Variants in UVRAG observed in about 807,000 individuals in gnomAD.
UVRAG encodes the protein UV radiation resistance associated, also known as UV radiation resistance-associated gene protein.
UVRAG carries 19 observed loss-of-function variants against 78.0 expected under a neutral mutation model. The observed-to-expected ratio is 0.24, with a 90% confidence interval of 0.17 to 0.36. UVRAG has a LOEUF of 0.36. Among genes scored for constraint, UVRAG ranks in the 10% least tolerant of loss-of-function variants. The pLI is 1.00. For missense variants in UVRAG, 740 were observed against 853.8 expected, an observed-to-expected ratio of 0.87 and a Z score of 1.66; for synonymous variants, 323 against 324.6, an observed-to-expected ratio of 1.00 and a Z score of 0.05.
Position 75,959,844 on chromosome 11 carries a change from G to A in UVRAG, c.594-1600G>A, listed in dbSNP as rs533914200. Among the ~76,000 whole-genome samples the A allele has an allele frequency of 5.3e-5, 8 of 152,248 alleles. 1 individual carries two copies. The highest frequency in any genetic ancestry group is 5.2e-4 in the Admixed American group (8 of 15,290). On this transcript the variant is annotated intron_variant, in intron 6 of 14. Coordinates refer to ENST00000356136, the MANE Select transcript of UVRAG (RefSeq NM_003369.4). ...ATTCTTTTCACTTGAACACCTAGAG[G>A]TTACTGTAAGGCTTGGCCTAATTTC...
chr11:76,001,241 G>A (rs778532568), intron 8 of UVRAG, among the ~76,000 whole-genome samples: 6 of 151,988 alleles, frequency 3.9e-5, no homozygotes, highest in Non-Finnish European at 8.8e-5. Context: ...CATAAACCAC[G>A]GGTCAAAGAA....
intron 7 of UVRAG, among the ~76,000 whole-genome samples, chr11:75,972,243 C>A (rs1283358119): frequency 6.6e-6 from 1 of 152,038 alleles, no homozygotes; most frequent in Non-Finnish European, 1.5e-5. Context: ...ATACCAATTT[C>A]TTTTTTCATG....
At chr11:76,007,774 T>C (rs1156964781) in intron 10 of UVRAG, among the ~76,000 whole-genome samples, 153 bp downstream of exon 10, 1 of 152,252 alleles carries the variant, frequency 6.6e-6, no homozygotes, top group Non-Finnish European at 1.5e-5. Context: ...AACATAGATT[T>C]AGACTTGTTT....
chr11:75,958,989 C>G, intron 6 of UVRAG, among the ~76,000 whole-genome samples: 1 of 152,160 alleles, frequency 6.6e-6, no homozygotes, highest in East Asian at 1.9e-4. Context: ...TTTTTCTAAG[C>G]AGTAGGTCTC....
At chr11:75,894,274 A>G (rs1349391889) in intron 5 of UVRAG, among the ~76,000 whole-genome samples, 1 of 152,176 alleles carries the variant, frequency 6.6e-6, no homozygotes, top group Non-Finnish European at 1.5e-5. Flanking sequence ...AAAAGTTTCA[A>G]AACTTCTATA....
At chr11:76,136,973 G>A (rs1458770982) in intron 14 of UVRAG, among the ~76,000 whole-genome samples, 1 of 152,072 alleles carries the variant, frequency 6.6e-6, no homozygotes, top group Non-Finnish European at 1.5e-5. Flanking sequence ...AAAAATACAT[G>A]TGTGTTTAAT....
In UVRAG at chr11:76,097,874, C is replaced by CT. The variant is rs566224109; in HGVS notation, c.1306-18048dup. On this transcript the variant is annotated intron_variant, in intron 13 of 14. Transcript: ENST00000356136. ...TTAGGTTCAAAATGTAAGTCTACTC[C>CT]TTACCGCCTATAGTTTTATATCCTC... Among the ~76,000 whole-genome samples, 7 of 152,232 alleles carry CT rather than the reference C, an allele frequency of 4.6e-5. No individual in the cohort carries two copies. The East Asian group carries it at 1.4e-3, about 29-fold the overall frequency.
chr11:75,980,529 T>A (rs941027443), intron 7 of UVRAG, among the ~76,000 whole-genome samples: 9 of 152,212 alleles, frequency 5.9e-5, no homozygotes, highest in African/African-American at 2.2e-4. Context: ...AGAATTGGTT[T>A]ATATTAGCTA....
At chr11:76,006,218 C>T (rs919300045) in intron 9 of UVRAG, among the ~76,000 whole-genome samples, 8 of 152,070 alleles carry the variant, frequency 5.3e-5, no homozygotes, top group Non-Finnish European at 8.8e-5. Flanking sequence ...TAATAAGAAC[C>T]GGGGGCAAAG....
At chr11:76,050,931 A>C (rs548985259) in intron 12 of UVRAG, among the ~76,000 whole-genome samples, 202 of 152,296 alleles carry the variant, frequency 1.3e-3, no homozygotes, top group South Asian at 5.4e-3. Flanking sequence ...GCCTTAACTT[A>C]TTGTACCTAA....
At chr11:76,032,302 T>G (rs1462762419) in intron 12 of UVRAG, among the ~76,000 whole-genome samples, 1 of 152,220 alleles carries the variant, frequency 6.6e-6, no homozygotes, top group East Asian at 1.9e-4. Context: ...TACCATATTT[T>G]TATACCTCTC....
At chr11:75,851,084 T>C (rs919205810) in intron 1 of UVRAG, among the ~76,000 whole-genome samples, 1 of 152,216 alleles carries the variant, frequency 6.6e-6, no homozygotes, top group African/African-American at 2.4e-5. Context: ...TGATCTGACA[T>C]AGGGAACTAG....
chr11:75,875,773 G>A (rs1328683820), intron 3 of UVRAG, among the ~76,000 whole-genome samples: 1 of 152,112 alleles, frequency 6.6e-6, no homozygotes, highest in South Asian at 2.1e-4. Flanking sequence ...CACTTATGCT[G>A]TTTAGGGGTA....
intron 5 of UVRAG, among the ~76,000 whole-genome samples, chr11:75,890,252 T>C (rs988757808): frequency 3.3e-5 from 5 of 152,214 alleles, no homozygotes; most frequent in Non-Finnish European, 5.9e-5. Flanking sequence ...TCATTCTGGC[T>C]GCAGTAGAGA....
chr11:75,897,444 G>A (rs145830781), intron 5 of UVRAG, among the ~76,000 whole-genome samples: 1 of 152,104 alleles, frequency 6.6e-6, no homozygotes, highest in Non-Finnish European at 1.5e-5. Flanking sequence ...CGTTCAGGGG[G>A]CTCATGATTT....
chr11:76,007,702 CAT>C, intron 10 of UVRAG, 81 bp downstream of exon 10: 4 of 1,109,382 alleles, frequency 3.6e-6, no homozygotes, highest in Non-Finnish European at 5.4e-6. Flanking sequence ...TGAAAAAACT[CAT>C]TGCTTTAGGC....
chr11:75,905,713 A>G (rs912237045), intron 5 of UVRAG, among the ~76,000 whole-genome samples: 1 of 152,172 alleles, frequency 6.6e-6, no homozygotes, highest in Non-Finnish European at 1.5e-5. Flanking sequence ...GTCTGTTGAT[A>G]GACATTTGTG....
chr11:75,894,699 A>G (rs58442571), intron 5 of UVRAG, among the ~76,000 whole-genome samples: 4,403 of 151,256 alleles, frequency 0.029, 224 homozygotes, highest in African/African-American at 0.1. Flanking sequence ...CACCCTGCCC[A>G]GACTGTATAA....
chr11:75,953,749 C>G (rs1251940819), intron 6 of UVRAG, among the ~76,000 whole-genome samples: 1 of 151,950 alleles, frequency 6.6e-6, no homozygotes, highest in East Asian at 1.9e-4. Context: ...CACTTTAGTC[C>G]AGTTTCAGTT....
Sources: gnomAD v4.1 joint callset for allele counts (sites outside exome capture counted in the v4.1 genomes callset) on GRCh38, gnomAD v4.1.1 for gene constraint, MANE v1.5 for transcripts, NCBI Gene and HGNC (gene_info 2026-07-23, HGNC 2026-07-21) for gene names.